The following ATL2 variants were observed in gnomAD, a reference collection of about 807,000 sequenced individuals.
ATL2 encodes atlastin-2.
In ATL2, 31 loss-of-function variants were observed where a neutral mutation model predicts 73.9. That is an observed-to-expected ratio of 0.42 (90% CI 0.32 to 0.57). ATL2 has a LOEUF of 0.57. ATL2 is among the 20% of genes least tolerant of loss of function. The probability of loss-of-function intolerance (pLI) is 0.14; values close to 1 mark genes in which losing one functional copy is unlikely to be tolerated. For missense variants in ATL2, 738 were observed against 702.6 expected, an observed-to-expected ratio of 1.05 and a Z score of -0.57; for synonymous variants, 291 against 237.5, an observed-to-expected ratio of 1.23 and a Z score of -2.07.
intron 1 of ATL2, among the ~76,000 whole-genome samples, chr2:38,355,617 C>T (rs1371393336): frequency 6.6e-6 from 1 of 151,446 alleles, no homozygotes; most frequent in Non-Finnish European, 1.5e-5. Context: ...ATAACAATGC[C>T]AAGTAAGAAA....
At chr2:38,309,723 T>C (rs1667643953) in intron 8 of ATL2, among the ~76,000 whole-genome samples, 1 of 152,104 alleles carries the variant, frequency 6.6e-6, no homozygotes, top group Non-Finnish European at 1.5e-5. Flanking sequence ...AACCCCCTAG[T>C]AACACTGCCA....
At chr2:38,310,162 A>G in intron 8 of ATL2, 147 bp downstream of exon 8, 1 of 886,768 alleles carries the variant, frequency 1.1e-6, no homozygotes, top group Non-Finnish European at 1.7e-6. Context: ...TAGAGAAACA[A>G]CACAGAGCAT....
At chr2:38,364,957 T>C (rs1456105144) in intron 1 of ATL2, among the ~76,000 whole-genome samples, 6 of 150,988 alleles carry the variant, frequency 4.0e-5, no homozygotes, top group Non-Finnish European at 5.9e-5. Flanking sequence ...GGCAGGAGAA[T>C]GGCGTGAACC....
At chr2:38,370,862 C>T (rs1671648486) in intron 1 of ATL2, among the ~76,000 whole-genome samples, 2 of 147,130 alleles carry the variant, frequency 1.4e-5, no homozygotes, top group Non-Finnish European at 3.0e-5. Context: ...GCTGAAATGG[C>T]GGGGGTGGGG....
At position 38,331,040 on chromosome 2, in the gene ATL2, C is replaced by T. The variant is rs539106307; in HGVS notation, c.364-12021G>A. ...AGACATGGCCGGGCGTGGTGGCTCA[C>T]GCCTGTAATCCTAGCACTTTGGGAG... On this transcript the variant is annotated intron_variant, in intron 2 of 12. Coordinates refer to ENST00000378954, the MANE Select transcript of ATL2 (RefSeq NM_001135673.4). 1.1e-4 allele frequency among the ~76,000 whole-genome samples: 17 copies of T among 152,162 alleles called. No individual in the cohort carries two copies. The South Asian group carries it at 2.7e-3, about 24-fold the overall frequency.
chr2:38,342,688 A>T (rs758289393), intron 2 of ATL2, among the ~76,000 whole-genome samples: 13 of 152,188 alleles, frequency 8.5e-5, no homozygotes, highest in Non-Finnish European at 1.6e-4. Context: ...GGCCAAAAGG[A>T]AAGTGTGAAG....
Position 38,315,298 on chromosome 2 carries a change from G to C in ATL2, c.640C>G (p.Leu214Val), listed in dbSNP as rs1259778274. The C allele has an allele frequency of 6.7e-7, 1 of 1,490,548 alleles. No individual in the cohort carries two copies. The highest frequency in any genetic ancestry group is 8.9e-7 in the Non-Finnish European group (1 of 1,129,738). 92.3% of individuals were successfully genotyped at this position (1,490,548 alleles called of 1,614,324 possible). A position where few individuals can be genotyped will look rare whatever the true frequency, so the allele number is the denominator to read the frequency against. ...GAAATACGTACTTGCAAATGTTGAA[G>C]ATCATCTTCTTGAATATTCTGAGAC... is the stretch of plus-strand genomic sequence containing the variant. Reference protein sequence around the residue: ...NLSQNIQEDDLQHLQLFTEYG... With the variant: ...NLSQNIQEDDVQHLQLFTEYG... Residue 214 changes from leucine to valine, a missense_variant, in exon 5 of 13, where the codon CTT becomes GTT. By Grantham distance (32) the Leu-to-Val change is conservative. Coordinates refer to ENST00000378954, the MANE Select transcript of ATL2 (RefSeq NM_001135673.4).
At chr2:38,318,749 A>G in intron 3 of ATL2, 110 bp from the exon 4 acceptor site, 2 of 1,308,268 alleles carry the variant, frequency 1.5e-6, no homozygotes, top group South Asian at 1.4e-5. Context: ...AAAAGTACTT[A>G]TATCTCATAC....
intron 2 of ATL2, among the ~76,000 whole-genome samples, chr2:38,327,040 T>C (rs1355855038): frequency 6.7e-6 from 1 of 148,512 alleles, no homozygotes; most frequent in Non-Finnish European, 1.5e-5. Flanking sequence ...TAGGGTGAAA[T>C]GTTGACAAAG....
At chr2:38,371,424 C>G (rs1671682316) in intron 1 of ATL2, among the ~76,000 whole-genome samples, 1 of 152,178 alleles carries the variant, frequency 6.6e-6, no homozygotes, top group South Asian at 2.1e-4. Context: ...AGGAAGATTA[C>G]TTGAGCCAGG....
chr2:38,350,600 T>C (rs951465535), intron 1 of ATL2, among the ~76,000 whole-genome samples: 4 of 152,180 alleles, frequency 2.6e-5, no homozygotes, highest in Non-Finnish European at 5.9e-5. Flanking sequence ...TGTAAAACTA[T>C]AGACTTTGGA....
At chr2:38,356,135 T>TA (rs1047414616) in intron 1 of ATL2, among the ~76,000 whole-genome samples, 24 of 152,098 alleles carry the variant, frequency 1.6e-4, no homozygotes, top group East Asian at 5.8e-4. Flanking sequence ...AAGTCACATT[T>TA]AAAAAAAATC....
intron 2 of ATL2, among the ~76,000 whole-genome samples, chr2:38,337,938 C>T (rs1669468119): frequency 6.6e-6 from 1 of 152,062 alleles, no homozygotes; most frequent in African/African-American, 2.4e-5. Flanking sequence ...GCATCAATAT[C>T]GTAAGCACTG....
intron 4 of ATL2, 71 bp from the exon 5 acceptor site, chr2:38,315,405 A>C: frequency 7.0e-7 from 1 of 1,436,476 alleles, no homozygotes; most frequent in Non-Finnish European, 9.2e-7. Flanking sequence ...GTATAACTTT[A>C]CTTGTGGAAA....
At chr2:38,351,162 G>C (rs1573550977) in intron 1 of ATL2, among the ~76,000 whole-genome samples, 1 of 151,976 alleles carries the variant, frequency 6.6e-6, no homozygotes, top group South Asian at 2.1e-4. Flanking sequence ...AAAAAAATTA[G>C]TTATCCCACA....
intron 1 of ATL2, among the ~76,000 whole-genome samples, chr2:38,362,500 C>CTTA (rs1309942537): frequency 6.6e-6 from 1 of 152,184 alleles, no homozygotes; most frequent in Non-Finnish European, 1.5e-5. Flanking sequence ...AATACAGATT[C>CTTA]TTAGACCCCA....
intron 1 of ATL2, chr2:38,354,205 T>C (rs1217006290): frequency 4.7e-6 from 2 of 421,638 alleles, no homozygotes; most frequent in Non-Finnish European, 9.2e-6. Context: ...AAAGAGTATC[T>C]GTCATTAGCA....
chr2:38,300,140 C>A lies in ATL2; in HGVS notation c.1128+132G>T, dbSNP rs569687183. On this transcript the variant is annotated intron_variant, in intron 10 of 12. Coordinates refer to ENST00000378954, the MANE Select transcript of ATL2 (RefSeq NM_001135673.4). ...GAAACCTTAGGACCCACGACACATA[C>A]GGCCTTAAGCAAAATGTGTTTGCAT... 4.2e-6 allele frequency: 3 copies of A among 706,474 alleles called. No individual in the cohort carries two copies. In the South Asian group the frequency reaches 6.8e-5, roughly 16 times the overall value. The allele number at this position is 706,474 out of a possible 1,614,324, so 43.8% of individuals were successfully genotyped here.
intron 2 of ATL2, among the ~76,000 whole-genome samples, chr2:38,322,349 T>C (rs573056749): frequency 1.8e-4 from 28 of 152,370 alleles, no homozygotes; most frequent in African/African-American, 5.5e-4. Context: ...GTTTGTTTCA[T>C]TCTTACAAGT....
Sources: allele counts gnomAD v4.1 joint callset (sites outside exome capture counted in the v4.1 genomes callset), GRCh38; gene constraint gnomAD v4.1.1; transcripts MANE v1.5; gene names NCBI Gene and HGNC (gene_info 2026-07-23, HGNC 2026-07-21).